FMN2: variants seen among roughly 807,000 people sequenced by gnomAD.
The protein encoded by FMN2 is formin 2.
In FMN2, 51 loss-of-function variants were observed where a neutral mutation model predicts 142.3. That is an observed-to-expected ratio of 0.36 (90% CI 0.29 to 0.45). The LOEUF is 0.45. Ranked by LOEUF, FMN2 falls within the 20% of genes least tolerant of loss-of-function variation. The pLI, the probability that FMN2 is intolerant of heterozygous loss-of-function variation, is 1.00. For synonymous variants in FMN2, 882 were observed against 869.8 expected, an observed-to-expected ratio of 1.01 and a Z score of -0.25; for missense variants, 1,936 against 2,122.8, an observed-to-expected ratio of 0.91 and a Z score of 1.73.
chr1:240,099,286 C>A lies in FMN2; in HGVS notation c.1615+5562C>A, dbSNP rs184182310. ...TAGCAGGATATGAACTGACCAGATA[C>A]TAGTTGAGCCCCAGTTTTGTTTTGT... On this transcript the variant is annotated intron_variant, in intron 1 of 17. Transcript: ENST00000319653. 7.7e-4 allele frequency among the ~76,000 whole-genome samples: 117 copies of A among 151,850 alleles called. 1 individual carries two copies. Among genetic ancestry groups the A allele is most frequent in the Non-Finnish European group, 1.4e-3 (92 of 67,966 alleles).
intron 8 of FMN2, among the ~76,000 whole-genome samples, chr1:240,309,525 G>A (rs1315597481): frequency 2.0e-5 from 3 of 152,144 alleles, no homozygotes; most frequent in Admixed American, 6.5e-5. Context: ...ACTGAGTCTA[G>A]GTCAGGACTG....
intron 8 of FMN2, among the ~76,000 whole-genome samples, chr1:240,298,886 T>C (rs1005767137): frequency 2.6e-5 from 4 of 152,182 alleles, no homozygotes; most frequent in Admixed American, 6.5e-5. Context: ...TTCCACTTTT[T>C]GCTTTATGTT....
intron 6 of FMN2, among the ~76,000 whole-genome samples, chr1:240,216,808 GAGT>G (rs1255999628): frequency 6.6e-6 from 1 of 152,102 alleles, no homozygotes; most frequent in Non-Finnish European, 1.5e-5. Context: ...AATTAGCCGG[GAGT>G]AGTGGTGGAT....
chr1:240,211,301 G>T (rs1666684057), intron 6 of FMN2, 66 bp downstream of exon 6: 1 of 1,495,638 alleles, frequency 6.7e-7, no homozygotes. Flanking sequence ...TGTCATTAGA[G>T]AAAACTTTGA....
At chr1:240,251,698 G>A (rs959791791) in intron 6 of FMN2, among the ~76,000 whole-genome samples, 2 of 152,114 alleles carry the variant, frequency 1.3e-5, no homozygotes, top group Admixed American at 1.3e-4. Context: ...TTGTATTTGA[G>A]TCTGTCTCTC....
At chr1:240,245,456 C>G (rs1668044520) in intron 6 of FMN2, 1 of 463,670 alleles carries the variant, frequency 2.2e-6, no homozygotes, top group Admixed American at 2.4e-5. Context: ...GGCTGGATAC[C>G]AGAAATGCAG....
intron 14 of FMN2, among the ~76,000 whole-genome samples, chr1:240,367,562 AT>A (rs1303609545): frequency 1.3e-5 from 2 of 151,904 alleles, no homozygotes; most frequent in African/African-American, 4.8e-5. Flanking sequence ...AGGTCAGGAG[AT>A]CGAGACCATC....
chr1:240,262,604 A>G (rs1344226991), intron 7 of FMN2, among the ~76,000 whole-genome samples: 2 of 152,142 alleles, frequency 1.3e-5, no homozygotes, highest in Non-Finnish European at 2.9e-5. Context: ...CATAGATAAC[A>G]GTAGCTGCAA....
chr1:240,330,482 A>G, intron 10 of FMN2, 121 bp from the exon 11 acceptor site: 1 of 984,166 alleles, frequency 1.0e-6, no homozygotes, highest in East Asian at 2.6e-5. Flanking sequence ...ATTAGGAATG[A>G]TAAAGTTCGG....
chr1:240,386,469 T>C (rs1572255168), intron 14 of FMN2, among the ~76,000 whole-genome samples: 1 of 152,322 alleles, frequency 6.6e-6, no homozygotes, highest in Non-Finnish European at 1.5e-5. Context: ...TCCAATTACC[T>C]GGGAATATGT....
At chr1:240,416,951 A>G (rs1159071961) in intron 15 of FMN2, among the ~76,000 whole-genome samples, 1 of 151,732 alleles carries the variant, frequency 6.6e-6, no homozygotes, top group Non-Finnish European at 1.5e-5. Flanking sequence ...CACTTTAACA[A>G]TATCCCACTA....
intron 6 of FMN2, among the ~76,000 whole-genome samples, chr1:240,257,532 C>T (rs1014103568): frequency 2.0e-5 from 3 of 152,122 alleles, no homozygotes; most frequent in Non-Finnish European, 2.9e-5. Flanking sequence ...CACTTGCTGA[C>T]GTGTTTGAAG....
At chr1:240,435,799 A>G (rs10926254) in intron 15 of FMN2, among the ~76,000 whole-genome samples, 87,033 of 152,028 alleles carry the variant, frequency 0.57, 26,585 homozygotes, top group East Asian at 0.73. Flanking sequence ...AAAACTTTCA[A>G]AATGTTGCAA....
chr1:240,097,137 CT>C (rs139833579), intron 1 of FMN2, among the ~76,000 whole-genome samples: 3,735 of 151,226 alleles, frequency 0.025, 141 homozygotes, highest in African/African-American at 0.086. Flanking sequence ...ATGTGCTTAT[CT>C]TTTTTTTTAA....
intron 8 of FMN2, among the ~76,000 whole-genome samples, chr1:240,319,671 G>T (rs1444842844): frequency 2.6e-5 from 4 of 152,086 alleles, no homozygotes; most frequent in Non-Finnish European, 5.9e-5. Context: ...AAAAAGACTG[G>T]GCGAGGGAAG....
At chr1:240,172,745 A>G (rs1664758517) in intron 2 of FMN2, among the ~76,000 whole-genome samples, 2 of 152,186 alleles carry the variant, frequency 1.3e-5, no homozygotes, top group Admixed American at 1.3e-4. Context: ...TAGACATACC[A>G]GATAACCTGA....
intron 6 of FMN2, among the ~76,000 whole-genome samples, chr1:240,219,455 T>C (rs1205951988): frequency 6.6e-6 from 1 of 152,150 alleles, no homozygotes; most frequent in Non-Finnish European, 1.5e-5. Flanking sequence ...AGTCAGATTA[T>C]TCACAACCAA....
intron 1 of FMN2, among the ~76,000 whole-genome samples, chr1:240,116,605 T>G (rs1662034340): frequency 6.6e-6 from 1 of 152,004 alleles, no homozygotes; most frequent in Non-Finnish European, 1.5e-5. Context: ...AAGACAGAAA[T>G]GTTGGCTGGG....
chr1:240,459,127 C>T (rs540001553), intron 16 of FMN2: 4 of 152,088 alleles, frequency 2.6e-5, no homozygotes, highest in Non-Finnish European at 5.9e-5. Flanking sequence ...GAGACTTAAG[C>T]ATATCATCTG....
Sources: gnomAD v4.1 joint callset for allele counts (sites outside exome capture counted in the v4.1 genomes callset) on GRCh38, gnomAD v4.1.1 for gene constraint, MANE v1.5 for transcripts, NCBI Gene and HGNC (gene_info 2026-07-23, HGNC 2026-07-21) for gene names.